The following COLEC11 variants were observed in gnomAD, a reference collection of about 807,000 sequenced individuals.
The protein encoded by COLEC11 is collectin-11.
COLEC11 carries 20 observed loss-of-function variants against 27.3 expected under a neutral mutation model. The ratio of observed to expected loss-of-function variants is 0.73; its 90% CI spans 0.51 to 1.06. The LOEUF is 1.06. Ranked by LOEUF, COLEC11 falls within the 50% of genes least tolerant of loss-of-function variation. The pLI, the probability that COLEC11 is intolerant of heterozygous loss-of-function variation, is 0.00. For synonymous variants in COLEC11, 163 were observed against 154.7 expected, an observed-to-expected ratio of 1.05 and a Z score of -0.40; for missense variants, 310 against 383.0, an observed-to-expected ratio of 0.81 and a Z score of 1.59.
At chr2:3,632,515 A>G (rs1032553627) in intron 3 of COLEC11, among the ~76,000 whole-genome samples, 1 of 152,030 alleles carries the variant, frequency 6.6e-6, no homozygotes, top group African/African-American at 2.4e-5. Flanking sequence ...TGCATGCACA[A>G]TCCCGGCCTC....
chr2:3,613,952 A>T, intron 3 of COLEC11, among the ~76,000 whole-genome samples: 1 of 149,672 alleles, frequency 6.7e-6, no homozygotes. Context: ...AATTTTTTTA[A>T]GTGTTTTTTC....
At chr2:3,615,251 A>G (rs189582869) in intron 3 of COLEC11, among the ~76,000 whole-genome samples, 3,624 of 152,298 alleles carry the variant, frequency 0.024, 152 homozygotes, top group African/African-American at 0.081. Flanking sequence ...CAAGTGAACA[A>G]GGGTCTCTGG....
intron 3 of COLEC11, among the ~76,000 whole-genome samples, chr2:3,622,042 G>T (rs541982163): frequency 1.2e-4 from 18 of 151,772 alleles, no homozygotes; most frequent in Non-Finnish European, 2.6e-4. Flanking sequence ...CCGGGTGCTC[G>T]CCTGTAGTCC....
intron 2 of COLEC11, among the ~76,000 whole-genome samples, chr2:3,613,101 A>G (rs1663355502): frequency 6.6e-6 from 1 of 152,204 alleles, no homozygotes; most frequent in Non-Finnish European, 1.5e-5. Context: ...GAGAGAAGGT[A>G]GGGCAGGGAG....
chr2:3,630,847 A>C (rs1024293476), intron 3 of COLEC11, among the ~76,000 whole-genome samples: 1 of 152,208 alleles, frequency 6.6e-6, no homozygotes, highest in Non-Finnish European at 1.5e-5. Context: ...ACTCTCGGCC[A>C]GTCTGCTTTG....
intron 3 of COLEC11, among the ~76,000 whole-genome samples, chr2:3,627,627 A>T (rs571344511): frequency 5.5e-5 from 8 of 146,690 alleles, no homozygotes; most frequent in Admixed American, 3.4e-4. Context: ...ATGGGACACG[A>T]TGATGGGGTG....
chr2:3,628,419 C>T (rs1664719747), intron 3 of COLEC11, among the ~76,000 whole-genome samples: 1 of 152,234 alleles, frequency 6.6e-6, no homozygotes, highest in African/African-American at 2.4e-5. Flanking sequence ...GGCCTGAGAC[C>T]CTGCACTGGT....
At position 3,625,354 on chromosome 2, in the gene COLEC11, C is replaced by T. The variant is rs146420401; in HGVS notation, c.202+11972C>T. 2.9e-3 allele frequency among the ~76,000 whole-genome samples: 438 copies of T among 152,242 alleles called. 4 individuals are homozygous for T. Among genetic ancestry groups the T allele is most frequent in the African/African-American group, 9.7e-3 (404 of 41,532 alleles). The stretch of plus-strand genomic sequence containing the variant: ...GCCTGAGGCAGGATGTGCAGGACAG[C>T]GACTGCTGAGACAGCGTTCTTGGCT... On this transcript the variant is annotated intron_variant, in intron 3 of 6. Coordinates refer to ENST00000349077, the MANE Select transcript of COLEC11 (RefSeq NM_024027.5).
Position 3,644,205 on chromosome 2 carries a change from G to T in COLEC11, c.*87G>T. The T allele has an allele frequency of 1.9e-6, 3 of 1,549,602 alleles. No homozygotes were observed. Among genetic ancestry groups the T allele is most frequent in the Non-Finnish European group, 2.6e-6 (3 of 1,137,094 alleles). The stretch of plus-strand genomic sequence containing the variant: ...AGCCCAGACCATGGTGCCAGCCAGG[G>T]AGCTGTCCCTCTGTGAAGGGTGGAG... On this transcript the variant is annotated 3_prime_UTR_variant, in exon 7 of 7. Transcript: ENST00000349077.
chr2:3,602,512 C>G lies in COLEC11; in HGVS notation c.-26-1803C>G, dbSNP rs1273478696. On this transcript the variant is annotated intron_variant, in intron 1 of 6. Transcript: ENST00000349077. The surrounding 1 kb of genome is among the most constrained non-coding windows in gnomAD (Gnocchi z 6.2). Reference sequence around the variant, plus strand: ...TTTGCTTCCAGACTGCATCCCATACCTCTGTCATCACCTCCACCCACACGT... The same window carrying G: ...TTTGCTTCCAGACTGCATCCCATACGTCTGTCATCACCTCCACCCACACGT... Among the ~76,000 whole-genome samples, 2 of 152,156 alleles carry G rather than the reference C, an allele frequency of 1.3e-5. No homozygotes were observed. Among genetic ancestry groups the G allele is most frequent in the Non-Finnish European group, 2.9e-5 (2 of 68,032 alleles).
rs1417713418 is a variant in COLEC11, at chr2:3,643,451, A to C, written c.336A>C (p.Pro112=). 1 of 1,613,456 alleles carries C rather than the reference A, an allele frequency of 6.2e-7. No individual in the cohort carries two copies. The highest frequency in any genetic ancestry group is 1.7e-5 in the Admixed American group (1 of 60,032). ...TGGGCCTGGCCCCCGCAGGCCTCCC[A>C]TGTGAGTGCAGCCAGCTGCGCAAGG... The part of the protein sequence containing the change: ...PPGPNGEPGL[P]CECSQLRKAI... Residue 112 remains proline (P), a synonymous_variant, in exon 6 of 7, where the codon CCA becomes CCC. Transcript: ENST00000349077.
intron 3 of COLEC11, among the ~76,000 whole-genome samples, chr2:3,616,586 G>T (rs1259036366): frequency 1.3e-5 from 2 of 152,234 alleles, no homozygotes; most frequent in Admixed American, 1.3e-4. Flanking sequence ...GCGAAACCCC[G>T]TCTCCACCAA....
chr2:3,626,328 G>A (rs1476766340), intron 3 of COLEC11, among the ~76,000 whole-genome samples: 1 of 152,234 alleles, frequency 6.6e-6, no homozygotes, highest in African/African-American at 2.4e-5. Context: ...GGCTCGCTGG[G>A]CCTGTCTGTA....
intron 6 of COLEC11, 58 bp downstream of exon 6, chr2:3,643,597 C>G (rs1259967470): frequency 2.5e-6 from 4 of 1,597,746 alleles, no homozygotes; most frequent in Non-Finnish European, 3.4e-6. Context: ...TGTCCTGAGC[C>G]CCCCGGCAAG....
intron 3 of COLEC11, among the ~76,000 whole-genome samples, chr2:3,627,397 G>A (rs1176738673): frequency 3.4e-5 from 5 of 148,602 alleles, no homozygotes; most frequent in Admixed American, 2.0e-4. Context: ...TGGGCACAAC[G>A]CTGGGCACGA....
At chr2:3,613,768 C>T (rs1367885568) in intron 3 of COLEC11, among the ~76,000 whole-genome samples, 3 of 152,164 alleles carry the variant, frequency 2.0e-5, no homozygotes, top group Non-Finnish European at 4.4e-5. Context: ...GCGTCTGTCT[C>T]CTCCTTCGTA....
chr2:3,617,523 G>A lies in COLEC11; in HGVS notation c.202+4141G>A. 5 of 1,504,216 alleles carry A rather than the reference G, an allele frequency of 3.3e-6. No individual in the cohort carries two copies. In the East Asian group the frequency reaches 6.7e-5, roughly 20 times the overall value. 93.2% of individuals were successfully genotyped at this position (1,504,216 alleles called of 1,614,324 possible). ...GAAGGCAATGCTTGTGGAATATACA[G>A]TGCATATTGGCGGCGCACGCCTCAC... On this transcript the variant is annotated intron_variant, in intron 3 of 6. Coordinates refer to ENST00000349077, the MANE Select transcript of COLEC11 (RefSeq NM_024027.5).
At chr2:3,605,134 A>G (rs1405937075) in intron 2 of COLEC11, 2 of 466,570 alleles carry the variant, frequency 4.3e-6, no homozygotes, top group African/African-American at 4.0e-5. Context: ...ACAGGTCCCC[A>G]AGCCTGGGGG....
chr2:3,605,924 G>A, intron 2 of COLEC11: 1 of 770,188 alleles, frequency 1.3e-6, no homozygotes, highest in Admixed American at 3.0e-5. Flanking sequence ...TGGAAACCAA[G>A]TGGACTGTCC....
Sources: allele counts gnomAD v4.1 joint callset (sites outside exome capture counted in the v4.1 genomes callset), GRCh38; gene constraint gnomAD v4.1.1; non-coding constraint Gnocchi (gnomAD v3.1); transcripts MANE v1.5; gene names NCBI Gene and HGNC (gene_info 2026-07-23, HGNC 2026-07-21).